SNX24: variants seen among roughly 807,000 people sequenced by gnomAD.
SNX24 encodes sorting nexin-24.
SNX24 carries 22 observed loss-of-function variants against 28.7 expected under a neutral mutation model. The ratio of observed to expected loss-of-function variants is 0.77; its 90% CI spans 0.55 to 1.10. The LOEUF (loss-of-function observed/expected upper bound fraction) is 1.10, where lower values mean the gene tolerates loss of function less well. Ranked by LOEUF, SNX24 falls within the 50% of genes least tolerant of loss-of-function variation. SNX24 has a pLI of 0.00. For missense variants in SNX24, 221 were observed against 201.1 expected (o/e 1.10, Z -0.60); for synonymous variants, 69 against 71.5 (o/e 0.96, Z 0.18).
chr5:123,025,710 G>A, intron 5 of SNX24: 1 of 1,434,108 alleles, frequency 7.0e-7, no homozygotes. Flanking sequence ...CATATTTTAA[G>A]ATTAAAATAA....
intron 2 of SNX24, among the ~76,000 whole-genome samples, chr5:122,941,716 T>G (rs1170586565): frequency 6.6e-6 from 1 of 152,204 alleles, no homozygotes; most frequent in African/African-American, 2.4e-5. Flanking sequence ...GGGCACATAT[T>G]AGGTATTAAA....
chr5:122,880,658 G>A lies in SNX24; in HGVS notation c.60+34965G>A, dbSNP rs919259754. On this transcript the variant is annotated intron_variant, in intron 1 of 6. Transcript: ENST00000261369. ...TCATATCAGAAAAGAACAATGTTTTGTGTTGTGGTCAAAATAGAAGCCGAC... is the reference window on the plus strand; with the variant it reads ...TCATATCAGAAAAGAACAATGTTTTATGTTGTGGTCAAAATAGAAGCCGAC... 3.3e-5 allele frequency among the ~76,000 whole-genome samples: 5 copies of A among 152,306 alleles called. No individual in the cohort carries two copies. In the East Asian group the frequency reaches 9.6e-4, roughly 29 times the overall value.
At chr5:122,965,410 A>G (rs780529081) in intron 3 of SNX24, 10 of 453,954 alleles carry the variant, frequency 2.2e-5, no homozygotes, top group South Asian at 1.4e-4. Context: ...ACAAATAAGG[A>G]AAGATTAATT....
chr5:122,919,053 A>T (rs1758304676), intron 1 of SNX24, among the ~76,000 whole-genome samples: 1 of 152,230 alleles, frequency 6.6e-6, no homozygotes, highest in African/African-American at 2.4e-5. Context: ...GCTTTCTTGA[A>T]TCTGCCTTTA....
chr5:122,887,220 G>A (rs970422003), intron 1 of SNX24, among the ~76,000 whole-genome samples: 9 of 152,166 alleles, frequency 5.9e-5, no homozygotes, highest in Admixed American at 6.5e-5. Flanking sequence ...AGTCTGAGTT[G>A]ACAGTCATCT....
intron 3 of SNX24, among the ~76,000 whole-genome samples, chr5:122,982,557 A>G (rs1381957610): frequency 6.6e-6 from 1 of 152,252 alleles, no homozygotes; most frequent in African/African-American, 2.4e-5. Context: ...AATGTTCAGT[A>G]GATATTGAGA....
intron 1 of SNX24, among the ~76,000 whole-genome samples, chr5:122,934,506 C>A (rs1361889631): frequency 6.6e-6 from 1 of 152,120 alleles, no homozygotes; most frequent in Non-Finnish European, 1.5e-5. Context: ...TCTACAGGCA[C>A]ACACCACTAT....
chr5:122,957,300 A>T (rs1760255573), intron 3 of SNX24, among the ~76,000 whole-genome samples: 1 of 152,090 alleles, frequency 6.6e-6, no homozygotes, highest in Non-Finnish European at 1.5e-5. Context: ...TGATCTTGGC[A>T]CTCTTCTCAA....
In SNX24 at chr5:122,933,983, A is replaced by G. The variant is rs146530874; in HGVS notation, c.61-2751A>G. Among the ~76,000 whole-genome samples, 709 of 151,930 alleles carry G rather than the reference A, an allele frequency of 4.7e-3. 1 individual carries two copies. Among genetic ancestry groups the G allele is most frequent in the African/African-American group, 0.016 (678 of 41,398 alleles). ...TTTTTAGTAGAGACAGGGTTTCATC[A>G]TATTGGCCAGGCTTGTCTTGAACTC... On this transcript the variant is annotated intron_variant, in intron 1 of 6. Coordinates refer to ENST00000261369, the MANE Select transcript of SNX24 (RefSeq NM_014035.4).
chr5:122,976,005 A>G (rs945263611), intron 3 of SNX24, among the ~76,000 whole-genome samples: 1 of 152,172 alleles, frequency 6.6e-6, no homozygotes, highest in African/African-American at 2.4e-5. Flanking sequence ...ATTGCAATAT[A>G]ATTATTAACA....
chr5:122,997,685 G>A (rs560061204), intron 3 of SNX24, among the ~76,000 whole-genome samples: 5 of 152,258 alleles, frequency 3.3e-5, no homozygotes, highest in East Asian at 1.9e-4. Flanking sequence ...TGGATGACAC[G>A]TCTAAAGATC....
intron 1 of SNX24, among the ~76,000 whole-genome samples, chr5:122,927,533 G>T (rs1758756539): frequency 6.6e-6 from 1 of 152,024 alleles, no homozygotes; most frequent in Non-Finnish European, 1.5e-5. Flanking sequence ...CAACATCTTA[G>T]GGAGAACATT....
At chr5:122,993,939 A>C (rs894387991) in intron 3 of SNX24, among the ~76,000 whole-genome samples, 1 of 152,236 alleles carries the variant, frequency 6.6e-6, no homozygotes, top group Admixed American at 6.5e-5. Flanking sequence ...GAAAGAGCTT[A>C]AAGTGCTCTT....
At chr5:122,980,148 A>C (rs1029565512) in intron 3 of SNX24, among the ~76,000 whole-genome samples, 2 of 152,186 alleles carry the variant, frequency 1.3e-5, no homozygotes, top group Non-Finnish European at 2.9e-5. Context: ...AGTAATACAC[A>C]CATTAGTCAA....
intron 1 of SNX24, among the ~76,000 whole-genome samples, chr5:122,854,789 C>A (rs1755106697): frequency 6.6e-6 from 1 of 152,076 alleles, no homozygotes; most frequent in South Asian, 2.1e-4. Context: ...TGGTTCCAGA[C>A]CACTGCAGTA....
chr5:122,887,491 A>G (rs1756770581), intron 1 of SNX24, among the ~76,000 whole-genome samples: 1 of 152,116 alleles, frequency 6.6e-6, no homozygotes, highest in South Asian at 2.1e-4. Context: ...ATTCTGGGAA[A>G]TTGTCAGCTC....
At chr5:122,947,143 C>T (rs1009575430) in intron 3 of SNX24, among the ~76,000 whole-genome samples, 7 of 152,194 alleles carry the variant, frequency 4.6e-5, no homozygotes, top group Non-Finnish European at 8.8e-5. Flanking sequence ...CCATCTAAGA[C>T]ACGTTACATC....
At chr5:122,979,127 C>T (rs1010121528) in intron 3 of SNX24, among the ~76,000 whole-genome samples, 1 of 152,164 alleles carries the variant, frequency 6.6e-6, no homozygotes, top group African/African-American at 2.4e-5. Context: ...ACCATTTGCC[C>T]TCATGAACAG....
chr5:122,971,413 C>T (rs1760952261), intron 3 of SNX24, among the ~76,000 whole-genome samples: 1 of 152,150 alleles, frequency 6.6e-6, no homozygotes, highest in Non-Finnish European at 1.5e-5. Context: ...TACTTTGCAT[C>T]CTTGAACCCA....
Sources: allele counts gnomAD v4.1 joint callset (sites outside exome capture counted in the v4.1 genomes callset), GRCh38; gene constraint gnomAD v4.1.1; transcripts MANE v1.5; gene names NCBI Gene and HGNC (gene_info 2026-07-23, HGNC 2026-07-21).